Variants in RIN2 observed in about 807,000 individuals in gnomAD.
RIN2 encodes the protein Ras and Rab interactor 2, also known as RAB5 interacting protein 2.
A neutral mutation model predicts 78.0 loss-of-function variants in RIN2; 36 were observed. The ratio of observed to expected loss-of-function variants is 0.46; its 90% confidence interval spans 0.35 to 0.61. The LOEUF is 0.61. Ranked by LOEUF, RIN2 falls within the 20% of genes least tolerant of loss-of-function variation. The probability of loss-of-function intolerance (pLI) is 0.00; values close to 1 mark genes in which losing one functional copy is unlikely to be tolerated. For missense variants in RIN2, 1,087 were observed against 1,159.7 expected, an observed-to-expected ratio of 0.94 and a Z score of 0.91; for synonymous variants, 466 against 466.8, an observed-to-expected ratio of 1.00 and a Z score of 0.02.
At chr20:19,994,440 T>C (rs1259399542) in intron 11 of RIN2, among the ~76,000 whole-genome samples, 1 of 152,224 alleles carries the variant, frequency 6.6e-6, no homozygotes, top group Non-Finnish European at 1.5e-5. Context: ...AAAGGCGTCA[T>C]AGAATCCCTT....
At chr20:19,871,104 AG>A (rs2123364051) in intron 2 of RIN2, among the ~76,000 whole-genome samples, 1 of 152,346 alleles carries the variant, frequency 6.6e-6, no homozygotes, top group East Asian at 1.9e-4. Flanking sequence ...ATTACCATGG[AG>A]AAGCAGGCAA....
At chr20:19,946,101 C>G (rs985352268) in intron 4 of RIN2, among the ~76,000 whole-genome samples, 3 of 152,178 alleles carry the variant, frequency 2.0e-5, no homozygotes, top group African/African-American at 7.2e-5. Context: ...CCTCCTCAGG[C>G]CCCTGGTCAT....
intron 4 of RIN2, among the ~76,000 whole-genome samples, chr20:19,955,097 A>G (rs981256629): frequency 1.3e-5 from 2 of 152,186 alleles, no homozygotes; most frequent in Non-Finnish European, 2.9e-5. Flanking sequence ...CCTGTTTGCA[A>G]TCGCTCCCCA....
chr20:19,932,491 A>C (rs1415424504), intron 3 of RIN2, among the ~76,000 whole-genome samples: 2 of 152,204 alleles, frequency 1.3e-5, no homozygotes, highest in Non-Finnish European at 2.9e-5. Flanking sequence ...CCACAGAGAT[A>C]TGTATAAAAT....
chr20:19,959,841 G>A (rs926391768), intron 5 of RIN2, among the ~76,000 whole-genome samples: 2 of 152,160 alleles, frequency 1.3e-5, no homozygotes, highest in Admixed American at 6.5e-5. Flanking sequence ...TAGGCTAGGT[G>A]AATGGTGCCT....
intron 4 of RIN2, chr20:19,935,479 T>C (rs981874896): frequency 5.1e-6 from 6 of 1,186,544 alleles, no homozygotes; most frequent in Non-Finnish European, 6.3e-6. Flanking sequence ...ATCCACCTAC[T>C]CCCAATGATG....
chr20:19,768,035 C>T (rs949188253), intron 1 of RIN2, among the ~76,000 whole-genome samples: 2 of 152,034 alleles, frequency 1.3e-5, no homozygotes, highest in Admixed American at 6.5e-5. Context: ...AGAACTGTAC[C>T]TGCAGGACAA....
At position 19,996,770 on chromosome 20, in the gene RIN2, C is replaced by T. The variant is rs1225335626; in HGVS notation, c.2292C>T (p.Thr764=). The T allele has an allele frequency of 3.7e-6, 6 of 1,612,808 alleles. No homozygotes were observed. Among genetic ancestry groups the T allele is most frequent in the East Asian group, 2.2e-5 (1 of 44,824 alleles). The change falls in exon 12 of 13, where the codon ACC becomes ACT. Residue 764 remains threonine (T), a synonymous_variant. Coordinates refer to ENST00000255006, the MANE Select transcript of RIN2 (RefSeq NM_018993.4). ...CAGCGCGACTGCTCAGCTCAGAAAC[C>T]AGAGACACCCTGAGGCAGTGGCACA... The part of the protein sequence containing the change: ...EQAARLLSSE[T]RDTLRQWHKR...
chr20:19,973,620 C>G lies in RIN2; in HGVS notation c.629-1034C>G, dbSNP rs1455888124. ...CCTGGTAAACATGGTGAAACCCCGT[C>G]TCTCCTAAAAATACCAAAATTAGCC... On this transcript the variant is annotated intron_variant, in intron 8 of 12. Transcript: ENST00000255006. Among the ~76,000 whole-genome samples the G allele has an allele frequency of 2.6e-5, 4 of 152,142 alleles. No homozygotes were observed. The East Asian group carries it at 7.7e-4, about 29-fold the overall frequency.
chr20:19,763,108 G>A (rs1304154109), intron 1 of RIN2, among the ~76,000 whole-genome samples: 2 of 152,166 alleles, frequency 1.3e-5, no homozygotes, highest in Non-Finnish European at 2.9e-5. Flanking sequence ...GTCCTGGCCA[G>A]GTGCAGTGGC....
intron 11 of RIN2, among the ~76,000 whole-genome samples, chr20:19,994,445 TC>T (rs1318321757): frequency 3.9e-5 from 6 of 152,226 alleles, no homozygotes; most frequent in African/African-American, 1.4e-4. Context: ...CGTCATAGAA[TC>T]CCTTAGAAGT....
At chr20:19,925,450 T>C (rs944005121) in intron 3 of RIN2, among the ~76,000 whole-genome samples, 2 of 152,230 alleles carry the variant, frequency 1.3e-5, no homozygotes, top group African/African-American at 4.8e-5. Flanking sequence ...CTTGGATAAA[T>C]TTGATTCTAT....
chr20:19,971,627 T>C (rs1407980346), intron 8 of RIN2, among the ~76,000 whole-genome samples: 2 of 152,126 alleles, frequency 1.3e-5, no homozygotes, highest in African/African-American at 4.8e-5. Flanking sequence ...TCCTCTGGCA[T>C]ATTTTTCTCT....
At chr20:19,922,469 C>G (rs2039963276) in intron 3 of RIN2, among the ~76,000 whole-genome samples, 1 of 152,084 alleles carries the variant, frequency 6.6e-6, no homozygotes, top group Non-Finnish European at 1.5e-5. Context: ...TAGGGATTTT[C>G]AGATCTGAAA....
intron 4 of RIN2, among the ~76,000 whole-genome samples, chr20:19,951,960 C>T (rs2041335062): frequency 6.6e-6 from 1 of 152,186 alleles, no homozygotes; most frequent in African/African-American, 2.4e-5. Flanking sequence ...CTATGAATCT[C>T]ATCAAGTTCT....
At chr20:19,790,739 C>T (rs1330654205) in intron 1 of RIN2, among the ~76,000 whole-genome samples, 1 of 152,122 alleles carries the variant, frequency 6.6e-6, no homozygotes, top group African/African-American at 2.4e-5. Flanking sequence ...TGTCTGTCAC[C>T]TTCTTTCTTA....
chr20:19,760,532 C>G (rs951557616), intron 1 of RIN2, among the ~76,000 whole-genome samples: 1 of 152,144 alleles, frequency 6.6e-6, no homozygotes, highest in Non-Finnish European at 1.5e-5. Flanking sequence ...ACACCTTATC[C>G]AAAGTCAAGG....
intron 1 of RIN2, among the ~76,000 whole-genome samples, chr20:19,786,485 C>G (rs532256621): frequency 2.2e-4 from 33 of 152,190 alleles, no homozygotes; most frequent in Non-Finnish European, 4.6e-4. Context: ...TCCCCACCCC[C>G]ACACACTCTG....
In RIN2 at chr20:19,865,635, A is replaced by G. The variant is rs919361763; in HGVS notation, c.-36-23931A>G. Among the ~76,000 whole-genome samples, 5 of 151,904 alleles carry G rather than the reference A, an allele frequency of 3.3e-5. No homozygotes were observed. In the East Asian group the frequency reaches 7.8e-4, roughly 24 times the overall value. ...CTCAAAAAGCTAAAACTATAGGCAC[A>G]CACCACCAGGCCCAGCTAATTTTTA... On this transcript the variant is annotated intron_variant, in intron 2 of 12. Transcript: ENST00000255006.
Sources: allele counts gnomAD v4.1 joint callset (sites outside exome capture counted in the v4.1 genomes callset), GRCh38; gene constraint gnomAD v4.1.1; transcripts MANE v1.5; gene names NCBI Gene and HGNC (gene_info 2026-07-23, HGNC 2026-07-21).